DAPK1: variants seen among roughly 807,000 people sequenced by gnomAD.
DAPK1 encodes the protein death-associated protein kinase 1.
A neutral mutation model predicts 144.9 loss-of-function variants in DAPK1; 56 were observed. The observed-to-expected ratio is 0.39, with a 90% CI of 0.31 to 0.48. DAPK1 has a LOEUF of 0.48. Among genes scored for constraint, DAPK1 ranks in the 20% least tolerant of loss-of-function variants. The pLI, the probability that DAPK1 is intolerant of heterozygous loss-of-function variation, is 0.95. For missense variants in DAPK1, 1,454 were observed against 1,875.4 expected (o/e 0.78, Z 4.15); for synonymous variants, 690 against 749.0 (o/e 0.92, Z 1.29).
At chr9:87,574,459 C>G (rs1827470147) in intron 2 of DAPK1, among the ~76,000 whole-genome samples, 1 of 152,184 alleles carries the variant, frequency 6.6e-6, no homozygotes, top group Admixed American at 6.5e-5. Flanking sequence ...TTATATATAT[C>G]ACAGGAAGTT....
intron 2 of DAPK1, among the ~76,000 whole-genome samples, chr9:87,548,734 G>A (rs7858376): frequency 0.17 from 25,148 of 151,818 alleles, 2,955 homozygotes; most frequent in East Asian, 0.33. Flanking sequence ...GTTGCTCCTG[G>A]TGAGCGTGCA....
intron 2 of DAPK1, among the ~76,000 whole-genome samples, chr9:87,592,594 G>A (rs757494718): frequency 3.3e-5 from 5 of 152,154 alleles, no homozygotes; most frequent in Non-Finnish European, 5.9e-5. Context: ...TGGCACTTCC[G>A]AGAGTTAACG....
upstream of DAPK1, chr9:87,497,613 G>C (rs953391250): frequency 4.4e-5 from 7 of 159,352 alleles, no homozygotes; most frequent in African/African-American, 1.7e-4. Context: ...CCGCGTTCCG[G>C]GCGGACGCAC....
intron 19 of DAPK1, among the ~76,000 whole-genome samples, chr9:87,675,126 A>G (rs1290197397): frequency 6.6e-6 from 1 of 152,198 alleles, no homozygotes. Context: ...ATTGAGACAC[A>G]GCTACACACT....
chr9:87,537,042 C>T (rs964118264), intron 2 of DAPK1, among the ~76,000 whole-genome samples: 2 of 150,872 alleles, frequency 1.3e-5, no homozygotes, highest in African/African-American at 4.9e-5. Flanking sequence ...GTCTGGAGTG[C>T]GATGGCCCAA....
chr9:87,639,413 C>T lies in DAPK1; in HGVS notation c.483C>T (p.Asp161=). The change falls in exon 5 of 26, where the codon GAC becomes GAT. Residue 161 remains aspartate, a synonymous_variant. Transcript: ENST00000408954. ...NVPKPRIKII[D]FGLAHKIDFG... ...CCAAACCTCGGATCAAGATCATTGA[C>T]TTTGGGTTGGCCCATAAAATTGACT... 1 of 1,613,526 alleles carries T rather than the reference C, an allele frequency of 6.2e-7. No homozygotes were observed. The highest frequency in any genetic ancestry group is 8.5e-7 in the Non-Finnish European group (1 of 1,179,826).
At chr9:87,657,692 C>G (rs925290490) in intron 17 of DAPK1, 10 of 332,044 alleles carry the variant, frequency 3.0e-5, no homozygotes, top group Non-Finnish European at 5.7e-6. Context: ...ATGTCTTCTT[C>G]CCTGGCTGTG....
intron 3 of DAPK1, among the ~76,000 whole-genome samples, chr9:87,619,793 G>A (rs991806563): frequency 2.6e-5 from 4 of 152,208 alleles, no homozygotes; most frequent in Admixed American, 2.0e-4. Context: ...GACAGTCAGA[G>A]GTGGGCGGTT....
chr9:87,664,834 T>C (rs891214780), intron 18 of DAPK1, among the ~76,000 whole-genome samples: 24 of 152,202 alleles, frequency 1.6e-4, no homozygotes, highest in African/African-American at 2.4e-5. Context: ...TCCCCAAGGA[T>C]CTGCCCCTGA....
chr9:87,516,805 C>T (rs1206284443), intron 2 of DAPK1, among the ~76,000 whole-genome samples: 1 of 151,982 alleles, frequency 6.6e-6, no homozygotes, highest in Non-Finnish European at 1.5e-5. Flanking sequence ...ATTGGAGAAG[C>T]TTGAAGGGGT....
chr9:87,690,249 T>TCAAGA (rs1195991117), intron 21 of DAPK1, among the ~76,000 whole-genome samples: 32 of 152,286 alleles, frequency 2.1e-4, no homozygotes, highest in African/African-American at 5.1e-4. Context: ...CTGAGTATTT[T>TCAAGA]ATTTTTATTG....
At chr9:87,658,591 A>G (rs1830715814) in intron 18 of DAPK1, among the ~76,000 whole-genome samples, 1 of 152,170 alleles carries the variant, frequency 6.6e-6, no homozygotes, top group Non-Finnish European at 1.5e-5. Context: ...TTGCTTAAAG[A>G]GTCAGGCATT....
At chr9:87,538,203 G>A (rs1032326736) in intron 2 of DAPK1, among the ~76,000 whole-genome samples, 4 of 152,064 alleles carry the variant, frequency 2.6e-5, no homozygotes, top group Non-Finnish European at 5.9e-5. Context: ...CTAAATAATG[G>A]CACTAAAGAA....
At chr9:87,559,553 T>A (rs1237837933) in intron 2 of DAPK1, among the ~76,000 whole-genome samples, 1 of 152,184 alleles carries the variant, frequency 6.6e-6, no homozygotes, top group Non-Finnish European at 1.5e-5. Context: ...TGGTGGACTT[T>A]CCCTGCAGCT....
intron 2 of DAPK1, among the ~76,000 whole-genome samples, chr9:87,511,503 G>T (rs112108736): frequency 2.0e-5 from 3 of 152,176 alleles, no homozygotes; most frequent in Non-Finnish European, 2.9e-5. Flanking sequence ...ACTAAAAGCC[G>T]CTCTGTAGCC....
chr9:87,579,933 G>A (rs1827693385), intron 2 of DAPK1, among the ~76,000 whole-genome samples: 2 of 152,154 alleles, frequency 1.3e-5, no homozygotes, highest in African/African-American at 4.8e-5. Flanking sequence ...CTAAAGCTTA[G>A]CAGTGATGTA....
At chr9:87,639,973 A>G (rs1327122272) in intron 7 of DAPK1, among the ~76,000 whole-genome samples, 158 bp downstream of exon 7, 1 of 152,238 alleles carries the variant, frequency 6.6e-6, no homozygotes, top group Non-Finnish European at 1.5e-5. Context: ...GTTTATACTA[A>G]TTAAACATGT....
intron 2 of DAPK1, among the ~76,000 whole-genome samples, chr9:87,593,185 G>A (rs1024567760): frequency 6.6e-6 from 1 of 152,196 alleles, no homozygotes; most frequent in Non-Finnish European, 1.5e-5. Flanking sequence ...TCCCAAGCAT[G>A]TTGGCCACCC....
intron 3 of DAPK1, among the ~76,000 whole-genome samples, chr9:87,617,236 A>G (rs1300891597): frequency 1.3e-5 from 2 of 152,150 alleles, no homozygotes; most frequent in Non-Finnish European, 2.9e-5. Flanking sequence ...TTTTGGAAGC[A>G]TGATCCCCTT....
Sources: gnomAD v4.1 joint callset for allele counts (sites outside exome capture counted in the v4.1 genomes callset) on GRCh38, gnomAD v4.1.1 for gene constraint, MANE v1.5 for transcripts, NCBI Gene and HGNC (gene_info 2026-07-23, HGNC 2026-07-21) for gene names.